The following PLPP2 variants were observed in gnomAD, a reference collection of about 807,000 sequenced individuals.
PLPP2 encodes the protein PAP2-gamma.
PLPP2 carries 29 observed loss-of-function variants against 35.2 expected under a neutral mutation model. The observed-to-expected ratio is 0.82, with a 90% CI of 0.61 to 1.12. PLPP2 has a LOEUF of 1.12. Ranked by LOEUF, PLPP2 falls within the 50% of genes most tolerant of loss-of-function variation. The pLI, the probability that PLPP2 is intolerant of heterozygous loss-of-function variation, is 0.00. For synonymous variants in PLPP2, 162 were observed against 167.0 expected (o/e 0.97, Z 0.23); for missense variants, 353 against 375.2 (o/e 0.94, Z 0.49).
At chr19:290,756 C>G (rs925489278) in intron 1 of PLPP2, among the ~76,000 whole-genome samples, 1 of 152,144 alleles carries the variant, frequency 6.6e-6, no homozygotes, top group African/African-American at 2.4e-5. Flanking sequence ...CCCAGTGTCT[C>G]CCCCGCCCGA....
At chr19:288,717 T>C (rs1970321739) in intron 1 of PLPP2, among the ~76,000 whole-genome samples, 1 of 152,134 alleles carries the variant, frequency 6.6e-6, no homozygotes, top group African/African-American at 2.4e-5. Context: ...CTGCTCTTTT[T>C]CCCTCTTCCT....
intron 4 of PLPP2, 151 bp from the exon 5 acceptor site, chr19:282,461 C>G: frequency 1.5e-6 from 1 of 651,628 alleles, no homozygotes; most frequent in South Asian, 2.0e-5. Flanking sequence ...CTCCCCCTCC[C>G]CCTGCACAGA....
rs1370908059 is a variant in PLPP2, at chr19:291,367, C to T, written c.-31G>A. On this transcript the variant is annotated 5_prime_UTR_variant, in exon 1 of 6. Transcript: ENST00000434325. Reference sequence around the variant, plus strand: ...CCGCGACCCCCGACGCCGGTCCCAGCGCGTCCCGTCGCGTCCCGGCCCGGC... The same window carrying T: ...CCGCGACCCCCGACGCCGGTCCCAGTGCGTCCCGTCGCGTCCCGGCCCGGC... 2 of 1,573,058 alleles carry T rather than the reference C, an allele frequency of 1.3e-6. No homozygotes were observed. The highest frequency in any genetic ancestry group is 1.7e-6 in the Non-Finnish European group (2 of 1,161,494).
At chr19:286,140 A>C (rs1970268099) in intron 3 of PLPP2, 1 of 147,992 alleles carries the variant, frequency 6.8e-6, no homozygotes, top group African/African-American at 2.5e-5. Flanking sequence ...GCCTGGGCCC[A>C]GACTCTGTCT....
intron 1 of PLPP2, among the ~76,000 whole-genome samples, chr19:289,602 C>A (rs1431267065): frequency 6.6e-6 from 1 of 152,078 alleles, no homozygotes; most frequent in African/African-American, 2.4e-5. Context: ...CCTCGGGAGG[C>A]TGAGGCAGGA....
chr19:283,743 T>A (rs1170563397), intron 3 of PLPP2: 4 of 152,186 alleles, frequency 2.6e-5, no homozygotes, highest in Non-Finnish European at 5.9e-5. Flanking sequence ...AAGCAAAAGC[T>A]AAGGCAGAGT....
At chr19:282,017 C>T (rs1970183306) in intron 5 of PLPP2, 117 bp downstream of exon 5, 1 of 1,185,464 alleles carries the variant, frequency 8.4e-7, no homozygotes, top group Non-Finnish European at 1.2e-6. Context: ...GGAGGACTGA[C>T]AGGGAGGAGG....
chr19:288,085 A>G lies in PLPP2; in HGVS notation c.139T>C (p.Tyr47His), dbSNP rs1257005403. ...YCGDDSIRYPYRPDTITHGLM... is the reference protein window; with the variant it reads ...YCGDDSIRYPHRPDTITHGLM... Reference sequence around the variant, plus strand: ...CCGTGGGTGATGGTATCTGGACGGTAGGGGTACCGGATGGAGTCATCCCCG... The same window carrying G: ...CCGTGGGTGATGGTATCTGGACGGTGGGGGTACCGGATGGAGTCATCCCCG... The change falls in exon 2 of 6, where the codon TAC becomes CAC. Residue 47 changes from tyrosine to histidine, a missense_variant. Tyr to His is a moderately conservative substitution (Grantham distance 83). Coordinates refer to ENST00000434325, the MANE Select transcript of PLPP2 (RefSeq NM_003712.4). 6.2e-6 allele frequency: 10 copies of G among 1,613,536 alleles called. No homozygotes were observed. The highest frequency in any genetic ancestry group is 8.5e-6 in the Non-Finnish European group (10 of 1,179,854).
intron 1 of PLPP2, among the ~76,000 whole-genome samples, chr19:290,338 C>G (rs1248659583): frequency 2.6e-5 from 4 of 152,208 alleles, no homozygotes; most frequent in Admixed American, 2.6e-4. Context: ...TAGTTCCTGG[C>G]ATACAGAAAG....
Position 287,948 on chromosome 19 carries a change from A to T in PLPP2, c.204+72T>A. 1 of 1,449,582 alleles carries T rather than the reference A, an allele frequency of 6.9e-7. No individual in the cohort carries two copies. Among genetic ancestry groups the T allele is most frequent in the Non-Finnish European group, 9.3e-7 (1 of 1,077,146 alleles). The allele number at this position is 1,449,582 out of a possible 1,614,324, so 89.8% of individuals were successfully genotyped here. ...CAGGGCAGGGCTGTGCCACCCCCCC[A>T]TCAGGCCCCCAGGGTAAAGCTGGCC... On this transcript the variant is annotated intron_variant, in intron 2 of 5. Transcript: ENST00000434325. This position sits in a 1 kb window ranked among gnomAD's most constrained non-coding sequence, Gnocchi z 4.3.
Position 287,633 on chromosome 19 carries a change from A to T in PLPP2, c.323T>A (p.Val108Glu). 1 of 1,613,916 alleles carries T rather than the reference A, an allele frequency of 6.2e-7. No homozygotes were observed. Among genetic ancestry groups the T allele is most frequent in the Non-Finnish European group, 8.5e-7 (1 of 1,180,030 alleles). The change falls in exon 3 of 6, where the codon GTG becomes GAG. Residue 108 changes from valine to glutamate, a missense_variant. Val to Glu is a moderately radical substitution (Grantham distance 121, BLOSUM62 -2). Transcript: ENST00000434325. The surrounding 1 kb of genome is among the most constrained non-coding windows in gnomAD (Gnocchi z 4.3). Reference sequence around the variant, plus strand: ...GGCCAGGTCTGTCAGAGACTGGCTCACGGCAGCCCCAAACAGGAAGGTCCC... The same window carrying T: ...GGCCAGGTCTGTCAGAGACTGGCTCTCGGCAGCCCCAAACAGGAAGGTCCC... ...VLGTFLFGAA[V>E]SQSLTDLAKY...
chr19:286,848 C>CT (rs1372390401), intron 3 of PLPP2: 3 of 152,234 alleles, frequency 2.0e-5, no homozygotes, highest in Non-Finnish European at 4.4e-5. Context: ...TCCTGTAGTC[C>CT]TAGCTACTCG....
chr19:290,232 G>A (rs1414341602), intron 1 of PLPP2, among the ~76,000 whole-genome samples: 2 of 152,094 alleles, frequency 1.3e-5, no homozygotes, highest in Non-Finnish European at 2.9e-5. Flanking sequence ...ACCCCATCTC[G>A]GCTGTACCTC....
At chr19:281,651 G>A (rs1467387048) in intron 5 of PLPP2, 114 bp from the exon 6 acceptor site, 2 of 1,035,158 alleles carry the variant, frequency 1.9e-6, no homozygotes. Context: ...GGGCCTAGGT[G>A]GGAAATGAGA....
Position 281,342 on chromosome 19 carries a change from C to T in PLPP2, c.*46G>A. 1 of 1,355,084 alleles carries T rather than the reference C, an allele frequency of 7.4e-7. No homozygotes were observed. The highest frequency in any genetic ancestry group is 9.6e-7 in the Non-Finnish European group (1 of 1,046,030). 83.9% of individuals were successfully genotyped at this position (1,355,084 alleles called of 1,614,324 possible). On this transcript the variant is annotated 3_prime_UTR_variant, in exon 6 of 6. Coordinates refer to ENST00000434325, the MANE Select transcript of PLPP2 (RefSeq NM_003712.4). ...GGGCTGGAGGGACCACCTGGGTGGG[C>T]CTCAGCTGGACTCACAGCAGCTCCC...
intron 1 of PLPP2, chr19:290,981 C>G (rs1444837990): frequency 8.2e-7 from 1 of 1,216,790 alleles, no homozygotes. Flanking sequence ...GGGATGGAGG[C>G]GCGCGCGCGG....
At position 282,754 on chromosome 19, in the gene PLPP2, C is replaced by A. The variant is rs776954462; in HGVS notation, c.538G>T (p.Ala180Ser). The change falls in exon 4 of 6, where the codon GCG becomes TCG. Residue 180 changes from alanine (A) to serine (S), a missense_variant and splice_region_variant. Coordinates refer to ENST00000434325, the MANE Select transcript of PLPP2 (RefSeq NM_003712.4). ...AAGCCCGGGAGAAACAGACTCACCGCCAAGAACACCATGCAGTACATCCCA... is the reference window on the plus strand; with the variant it reads ...AAGCCCGGGAGAAACAGACTCACCGACAAGAACACCATGCAGTACATCCCA... ...SFGMYCMVFL[A>S]LYVQARLCWK... 6.2e-7 allele frequency: 1 copy of A among 1,613,302 alleles called. No homozygotes were observed. Among genetic ancestry groups the A allele is most frequent in the South Asian group, 1.1e-5 (1 of 91,060 alleles).
intron 3 of PLPP2, chr19:286,604 G>A (rs2145272581): frequency 6.6e-6 from 1 of 151,982 alleles, no homozygotes. Context: ...AAAAGTCAAA[G>A]TTTCATTAAA....
In PLPP2 at chr19:287,420, G is replaced by C; in HGVS notation, c.482+54C>G. 1.3e-6 allele frequency: 2 copies of C among 1,562,634 alleles called. No individual in the cohort carries two copies. The highest frequency in any genetic ancestry group is 1.7e-6 in the Non-Finnish European group (2 of 1,151,180). On this transcript the variant is annotated intron_variant, in intron 3 of 5. Coordinates refer to ENST00000434325, the MANE Select transcript of PLPP2 (RefSeq NM_003712.4). This position sits in a 1 kb window ranked among gnomAD's most constrained non-coding sequence, Gnocchi z 4.3. ...TGGCTCTTCATGATTTGGCTCCAGGGCCTTCTTCAGCTCCCATTCCCCACA... is the reference window on the plus strand; with the variant it reads ...TGGCTCTTCATGATTTGGCTCCAGGCCCTTCTTCAGCTCCCATTCCCCACA...
Sources: gnomAD v4.1 joint callset for allele counts (sites outside exome capture counted in the v4.1 genomes callset) on GRCh38, gnomAD v4.1.1 for gene constraint, Gnocchi (gnomAD v3.1) non-coding constraint, MANE v1.5 for transcripts, NCBI Gene and HGNC (gene_info 2026-07-23, HGNC 2026-07-21) for gene names.